SGCZ: variants seen among roughly 807,000 people sequenced by gnomAD.
The protein encoded by SGCZ is zeta-sarcoglycan.
SGCZ carries 40 observed loss-of-function variants against 41.3 expected under a neutral mutation model. The observed-to-expected ratio is 0.97, with a 90% CI of 0.75 to 1.26. The LOEUF is 1.26. SGCZ is among the 50% of genes most tolerant of loss of function. The pLI, the probability that SGCZ is intolerant of heterozygous loss-of-function variation, is 0.00. For synonymous variants in SGCZ, 206 were observed against 137.5 expected (o/e 1.50, Z -3.49); for missense variants, 552 against 369.8 (o/e 1.49, Z -4.04).
chr8:14,696,084 C>G (rs540824795), intron 1 of SGCZ, among the ~76,000 whole-genome samples: 14 of 152,054 alleles, frequency 9.2e-5, no homozygotes, highest in Non-Finnish European at 1.8e-4. Flanking sequence ...TTCATTCATA[C>G]AGTTGTATTT....
intron 1 of SGCZ, among the ~76,000 whole-genome samples, chr8:14,760,617 G>C (rs1208081084): frequency 1.3e-5 from 2 of 152,114 alleles, no homozygotes; most frequent in Non-Finnish European, 2.9e-5. Flanking sequence ...AGTTTAAAGT[G>C]AATCATTAAA....
intron 1 of SGCZ, among the ~76,000 whole-genome samples, chr8:14,864,035 C>A (rs1803843427): frequency 6.6e-6 from 1 of 152,106 alleles, no homozygotes; most frequent in Admixed American, 6.6e-5. Context: ...TTCTCTTTGA[C>A]CTCACCAATT....
At chr8:14,358,999 G>A (rs1196092375) in intron 2 of SGCZ, among the ~76,000 whole-genome samples, 11 of 151,990 alleles carry the variant, frequency 7.2e-5, no homozygotes, top group South Asian at 2.1e-4. Context: ...GAAAATTAAC[G>A]TAATTCTAAA....
At chr8:14,720,061 C>T (rs1809830019) in intron 1 of SGCZ, among the ~76,000 whole-genome samples, 1 of 151,988 alleles carries the variant, frequency 6.6e-6, no homozygotes, top group South Asian at 2.1e-4. Context: ...CCAGTTTCAG[C>T]TTTCTACATA....
At chr8:14,630,587 G>A (rs1233256604) in intron 1 of SGCZ, among the ~76,000 whole-genome samples, 1 of 151,936 alleles carries the variant, frequency 6.6e-6, no homozygotes, top group African/African-American at 2.4e-5. Flanking sequence ...GTTTATTGCG[G>A]CACTATTCAC....
At chr8:14,266,734 T>C (rs1799881380) in intron 3 of SGCZ, among the ~76,000 whole-genome samples, 1 of 152,080 alleles carries the variant, frequency 6.6e-6, no homozygotes, top group African/African-American at 2.4e-5. Flanking sequence ...CAGTTGTCTA[T>C]GATCAAAGCA....
At chr8:14,566,054 G>C (rs554625497) in intron 1 of SGCZ, among the ~76,000 whole-genome samples, 2 of 152,036 alleles carry the variant, frequency 1.3e-5, no homozygotes, top group Non-Finnish European at 2.9e-5. Flanking sequence ...GGAGATGAAA[G>C]GACAAATTCA....
chr8:14,177,759 C>G (rs1804590458), intron 4 of SGCZ, among the ~76,000 whole-genome samples: 1 of 147,348 alleles, frequency 6.8e-6, no homozygotes, highest in Non-Finnish European at 1.5e-5. Flanking sequence ...CTCCTGACCT[C>G]GTGATCCATT....
chr8:14,364,800 C>T (rs1272540186), intron 2 of SGCZ, among the ~76,000 whole-genome samples: 4 of 151,994 alleles, frequency 2.6e-5, no homozygotes, highest in African/African-American at 4.8e-5. Flanking sequence ...TTCCACTTGT[C>T]AATCGTTTAT....
chr8:14,949,616 G>A (rs1800565094), intron 1 of SGCZ, among the ~76,000 whole-genome samples: 1 of 152,038 alleles, frequency 6.6e-6, no homozygotes, highest in South Asian at 2.1e-4. Context: ...TTGAGACATG[G>A]AGACATTTCT....
At position 14,947,348 on chromosome 8, in the gene SGCZ, C is replaced by A. The variant is rs531033641; in HGVS notation, c.39+290237G>T. 2.6e-5 allele frequency among the ~76,000 whole-genome samples: 4 copies of A among 152,268 alleles called. No individual in the cohort carries two copies. In the South Asian group the frequency reaches 8.3e-4, roughly 32 times the overall value. On this transcript the variant is annotated intron_variant, in intron 1 of 7. Coordinates refer to ENST00000382080, the MANE Select transcript of SGCZ (RefSeq NM_139167.4). ...AGTGGCTGACATCAAACAGTGAGATCGATTTAGGCTTATAGTGCACCAGAG... is the reference window on the plus strand; with the variant it reads ...AGTGGCTGACATCAAACAGTGAGATAGATTTAGGCTTATAGTGCACCAGAG...
intron 1 of SGCZ, among the ~76,000 whole-genome samples, chr8:14,761,725 C>A (rs1029335996): frequency 6.6e-6 from 1 of 151,728 alleles, no homozygotes; most frequent in Non-Finnish European, 1.5e-5. Flanking sequence ...AGAGTTTCAC[C>A]ATGTTGGCCA....
At chr8:15,164,785 T>C (rs1385229378) in intron 1 of SGCZ, among the ~76,000 whole-genome samples, 2 of 152,132 alleles carry the variant, frequency 1.3e-5, no homozygotes, top group Non-Finnish European at 2.9e-5. Context: ...TGCATGTCTG[T>C]ATGGTTAGTG....
intron 3 of SGCZ, among the ~76,000 whole-genome samples, chr8:14,290,031 C>T (rs760448101): frequency 6.6e-6 from 1 of 151,886 alleles, no homozygotes; most frequent in African/African-American, 2.4e-5. Context: ...ACGAGAACAG[C>T]ATGGAGGAAG....
Position 14,516,077 on chromosome 8 carries a change from T to C in SGCZ, c.234+38655A>G, listed in dbSNP as rs1372573486. On this transcript the variant is annotated intron_variant, in intron 2 of 7. Coordinates refer to ENST00000382080, the MANE Select transcript of SGCZ (RefSeq NM_139167.4). Reference sequence around the variant, plus strand: ...GACATAGTGTGGACTGATTTAAAAATGGCACTTGGCAGTATGATCATGATG... The same window carrying C: ...GACATAGTGTGGACTGATTTAAAAACGGCACTTGGCAGTATGATCATGATG... 3.3e-5 allele frequency among the ~76,000 whole-genome samples: 5 copies of C among 151,890 alleles called. No homozygotes were observed. In the East Asian group the frequency reaches 9.7e-4, roughly 29 times the overall value.
At chr8:14,177,675 AT>A (rs1193141913) in intron 4 of SGCZ, among the ~76,000 whole-genome samples, 5,809 of 111,338 alleles carry the variant, frequency 0.052, 86 homozygotes, top group East Asian at 0.089. Context: ...ACGCCCTGCT[AT>A]TTTTTTTTTT....
chr8:14,501,073 G>T (rs1233515978), intron 2 of SGCZ, among the ~76,000 whole-genome samples: 1 of 151,886 alleles, frequency 6.6e-6, no homozygotes, highest in Non-Finnish European at 1.5e-5. Context: ...CTGTTAGTAG[G>T]GTTGCATTCT....
intron 3 of SGCZ, among the ~76,000 whole-genome samples, chr8:14,240,352 A>ATAAATAAATAAAT (rs1563205605): frequency 1.0e-4 from 10 of 99,808 alleles, no homozygotes; most frequent in African/African-American, 3.4e-4. Context: ...AAAAAAAAAA[A>ATAAATAAATAAAT]AAAGAACTGA....
chr8:14,375,135 CAGACAGACAGAT>C (rs1804067822), intron 2 of SGCZ, among the ~76,000 whole-genome samples: 1 of 146,166 alleles, frequency 6.8e-6, no homozygotes, highest in Admixed American at 6.7e-5. Context: ...GACAGACAGA[CAGACAGACAGAT>C]AGATATTTGG....
Sources: allele counts gnomAD v4.1 joint callset (sites outside exome capture counted in the v4.1 genomes callset), GRCh38; gene constraint gnomAD v4.1.1; transcripts MANE v1.5; gene names NCBI Gene and HGNC (gene_info 2026-07-23, HGNC 2026-07-21).